The following FOXP2 variants were observed in gnomAD, a reference collection of about 807,000 sequenced individuals.
FOXP2 encodes the protein forkhead box protein P2.
FOXP2 carries 12 observed loss-of-function variants against 115.8 expected under a neutral mutation model. The observed-to-expected ratio is 0.10, with a 90% CI of 0.07 to 0.17. The LOEUF is 0.17. Among genes scored for constraint, FOXP2 ranks in the 10% least tolerant of loss-of-function variants. FOXP2 has a pLI of 1.00. For missense variants in FOXP2, 629 were observed against 843.5 expected (o/e 0.75, Z 3.15); for synonymous variants, 328 against 297.7 (o/e 1.10, Z -1.05).
At chr7:114,380,717 G>C (rs1792268119) in intron 2 of FOXP2, among the ~76,000 whole-genome samples, 2 of 152,216 alleles carry the variant, frequency 1.3e-5, no homozygotes. Flanking sequence ...CTTTAGCAGT[G>C]AGTATGTCAT....
intron 3 of FOXP2, among the ~76,000 whole-genome samples, chr7:114,560,495 A>C (rs1800708733): frequency 6.6e-6 from 1 of 152,126 alleles, no homozygotes; most frequent in African/African-American, 2.4e-5. Flanking sequence ...ACACACCTAT[A>C]ATCTCAACTA....
chr7:114,659,152 G>A (rs183535313), intron 11 of FOXP2, among the ~76,000 whole-genome samples: 18 of 152,256 alleles, frequency 1.2e-4, no homozygotes, highest in Admixed American at 9.8e-4. Flanking sequence ...GAAGTACCAC[G>A]AACAACTAGG....
chr7:114,506,104 T>C (rs983490061), intron 2 of FOXP2, among the ~76,000 whole-genome samples: 1 of 151,680 alleles, frequency 6.6e-6, no homozygotes, highest in African/African-American at 2.4e-5. Context: ...TGGCAGATGC[T>C]CAATAAATAC....
chr7:114,265,064 A>C (rs1401294061), intron 1 of FOXP2, among the ~76,000 whole-genome samples: 1 of 152,128 alleles, frequency 6.6e-6, no homozygotes, highest in Non-Finnish European at 1.5e-5. Flanking sequence ...GGCCCCTCCC[A>C]AATCTCATGT....
Position 114,288,123 on chromosome 7 carries a change from T to C in FOXP2, c.-11+14T>C, listed in dbSNP as rs573194654. The C allele has an allele frequency of 5.3e-4, 240 of 452,568 alleles. 1 individual carries two copies. Among genetic ancestry groups the C allele is most frequent in the African/African-American group, 4.6e-3 (229 of 50,034 alleles). 28.0% of individuals were successfully genotyped at this position (452,568 alleles called of 1,614,324 possible). On this transcript the variant is annotated intron_variant, in intron 2 of 17. Transcript: ENST00000634411. ...TGGAAGAAACAGGTAAGTGTCCTTT[T>C]GGTAAAAATTCTCCTTTGGTCATTG...
chr7:114,365,574 T>C (rs902317947), intron 2 of FOXP2, among the ~76,000 whole-genome samples: 1 of 152,140 alleles, frequency 6.6e-6, no homozygotes, highest in African/African-American at 2.4e-5. Flanking sequence ...TTTTTTACAC[T>C]GAAATGACTT....
At chr7:114,351,346 C>T (rs978478621) in intron 2 of FOXP2, among the ~76,000 whole-genome samples, 4 of 151,988 alleles carry the variant, frequency 2.6e-5, no homozygotes, top group African/African-American at 7.3e-5. Flanking sequence ...GACTTAGTAA[C>T]TATGTTGCAT....
intron 3 of FOXP2, among the ~76,000 whole-genome samples, chr7:114,601,427 A>G (rs1803018614): frequency 6.6e-6 from 1 of 152,174 alleles, no homozygotes; most frequent in Non-Finnish European, 1.5e-5. Flanking sequence ...TAGAAGTTTT[A>G]TAGTTTTATG....
intron 2 of FOXP2, among the ~76,000 whole-genome samples, chr7:114,430,708 C>A (rs1368437696): frequency 6.6e-6 from 1 of 151,804 alleles, no homozygotes; most frequent in Non-Finnish European, 1.5e-5. Flanking sequence ...TGAAGCTGAT[C>A]TGTACTATTT....
intron 3 of FOXP2, among the ~76,000 whole-genome samples, chr7:114,615,078 G>T (rs1022284912): frequency 1.3e-5 from 2 of 152,054 alleles, no homozygotes; most frequent in African/African-American, 4.8e-5. Context: ...AATTAGCCAG[G>T]CGTGGTGGTG....
chr7:114,471,874 T>G (rs1463566935), intron 2 of FOXP2, among the ~76,000 whole-genome samples: 1 of 151,226 alleles, frequency 6.6e-6, no homozygotes, highest in African/African-American at 2.4e-5. Context: ...GCAGGAGAAT[T>G]GCTTGAACCC....
intron 2 of FOXP2, among the ~76,000 whole-genome samples, chr7:114,357,655 C>T (rs931289631): frequency 6.6e-6 from 1 of 152,142 alleles, no homozygotes. Context: ...ATGCCTTCAT[C>T]ACTCTCAGTG....
intron 3 of FOXP2, among the ~76,000 whole-genome samples, chr7:114,625,735 C>T (rs963385663): frequency 6.6e-6 from 1 of 151,558 alleles, no homozygotes; most frequent in African/African-American, 2.4e-5. Context: ...ATATTACTGA[C>T]CTTTGTTGTA....
At chr7:114,275,910 G>A (rs1169713619) in intron 1 of FOXP2, among the ~76,000 whole-genome samples, 7 of 152,186 alleles carry the variant, frequency 4.6e-5, no homozygotes, top group Admixed American at 4.6e-4. Context: ...AACTTCACAA[G>A]TGTTTTTCAG....
chr7:114,344,650 A>ATAC (rs1292380430), intron 2 of FOXP2, among the ~76,000 whole-genome samples: 4 of 151,856 alleles, frequency 2.6e-5, no homozygotes, highest in Non-Finnish European at 5.9e-5. Flanking sequence ...TAAGAGATAC[A>ATAC]TACATAGAGT....
chr7:114,586,426 A>G (rs986822353), intron 3 of FOXP2, among the ~76,000 whole-genome samples: 4 of 152,082 alleles, frequency 2.6e-5, no homozygotes, highest in Non-Finnish European at 5.9e-5. Context: ...TTACTCTTCT[A>G]TTAAGGTTCC....
At chr7:114,205,639 T>TA (rs1433157675) in intron 1 of FOXP2, among the ~76,000 whole-genome samples, 1 of 152,124 alleles carries the variant, frequency 6.6e-6, no homozygotes, top group Non-Finnish European at 1.5e-5. Context: ...AGTATATAAT[T>TA]ATTAGGGGAC....
chr7:114,642,756 ATTAT>A (rs1389345368), intron 7 of FOXP2, 133 bp downstream of exon 7: 4 of 389,626 alleles, frequency 1.0e-5, no homozygotes, highest in East Asian at 1.1e-4. Flanking sequence ...AAATCTTTAG[ATTAT>A]TTATCTTATT....
At chr7:114,303,017 A>G (rs1796912715) in intron 2 of FOXP2, among the ~76,000 whole-genome samples, 1 of 152,166 alleles carries the variant, frequency 6.6e-6, no homozygotes, top group African/African-American at 2.4e-5. Flanking sequence ...CAATCTTGTG[A>G]GAGCCCGAGC....
Sources: gnomAD v4.1 joint callset for allele counts (sites outside exome capture counted in the v4.1 genomes callset) on GRCh38, gnomAD v4.1.1 for gene constraint, MANE v1.5 for transcripts, NCBI Gene and HGNC (gene_info 2026-07-23, HGNC 2026-07-21) for gene names.